Variants in CACNA1C observed in about 807,000 individuals in gnomAD.
CACNA1C encodes the protein calcium voltage-gated channel subunit alpha1 C.
A neutral mutation model predicts 229.0 loss-of-function variants in CACNA1C; 30 were observed. That is an observed-to-expected ratio of 0.13 (90% CI 0.10 to 0.18). The LOEUF (loss-of-function observed/expected upper bound fraction) is 0.18, where lower values mean the gene tolerates loss of function less well. CACNA1C is among the 10% of genes least tolerant of loss of function. The pLI, the probability that CACNA1C is intolerant of heterozygous loss-of-function variation, is 1.00. For missense variants in CACNA1C, 1,658 were observed against 2,845.0 expected (o/e 0.58, Z 9.49); for synonymous variants, 1,114 against 1,132.5 (o/e 0.98, Z 0.33).
Position 2,120,547 on chromosome 12 carries a change from C to G in CACNA1C, c.477+117C>G, listed in dbSNP as rs928730555. On this transcript the variant is annotated intron_variant, in intron 3 of 46. Coordinates refer to ENST00000399655, the MANE Select transcript of CACNA1C (RefSeq NM_000719.7). ...GACGTGTGTTTGGCATGTGCAGGAG[C>G]CCTGCAGAGCTCACATCCCGAGTGC... 42 of 731,868 alleles carry G rather than the reference C, an allele frequency of 5.7e-5. 1 individual carries two copies. In the Middle Eastern group the frequency reaches 9.4e-4, roughly 16 times the overall value. The allele number at this position is 731,868 out of a possible 1,614,324, so 45.3% of individuals were successfully genotyped here. A position where few individuals can be genotyped will look rare whatever the true frequency, so the allele number is the denominator to read the frequency against.
At chr12:2,226,969 G>A (rs752957102) in intron 3 of CACNA1C, among the ~76,000 whole-genome samples, 1 of 152,170 alleles carries the variant, frequency 6.6e-6, no homozygotes, top group Non-Finnish European at 1.5e-5. Context: ...TTTCAAATAT[G>A]CCTGTCCTTA....
intron 22 of CACNA1C, among the ~76,000 whole-genome samples, chr12:2,604,066 T>G (rs1276654016): frequency 8.9e-6 from 1 of 112,450 alleles, no homozygotes; most frequent in African/African-American, 3.4e-5. Context: ...AACAGGAGTC[T>G]GAGGATCTAC....
intron 3 of CACNA1C, among the ~76,000 whole-genome samples, chr12:2,317,913 T>G (rs2095779027): frequency 6.6e-6 from 1 of 152,186 alleles, no homozygotes; most frequent in Non-Finnish European, 1.5e-5. Context: ...TGCAGTGGCT[T>G]GATCTCATCC....
rs1157229903 is a variant in CACNA1C, at chr12:2,654,178, G to C, written c.4140+278G>C. On this transcript the variant is annotated intron_variant, in intron 33 of 46. Coordinates refer to ENST00000399655, the MANE Select transcript of CACNA1C (RefSeq NM_000719.7). This position sits in a 1 kb window ranked among gnomAD's most constrained non-coding sequence, Gnocchi z 4.4. The stretch of plus-strand genomic sequence containing the variant: ...TGGGTTCTGCTCTTGGTAGAGGAAA[G>C]ACACTCTCCAGTTATGCAAGGGGCC... Among the ~76,000 whole-genome samples, 3 of 152,188 alleles carry C rather than the reference G, an allele frequency of 2.0e-5. No homozygotes were observed. The highest frequency in any genetic ancestry group is 7.2e-5 in the African/African-American group (3 of 41,438).
At chr12:2,235,168 A>G (rs1191694449) in intron 3 of CACNA1C, among the ~76,000 whole-genome samples, 2 of 152,194 alleles carry the variant, frequency 1.3e-5, no homozygotes, top group African/African-American at 4.8e-5. Flanking sequence ...TCCCGGGGGA[A>G]TACCTGGAGA....
At chr12:2,652,944 G>A (rs370772695) in intron 32 of CACNA1C, among the ~76,000 whole-genome samples, 2 of 152,240 alleles carry the variant, frequency 1.3e-5, no homozygotes, top group Non-Finnish European at 2.9e-5. Context: ...GGGTGACTGC[G>A]AGGGCCTGAT....
chr12:2,638,797 G>A (rs1452435299), intron 30 of CACNA1C, among the ~76,000 whole-genome samples: 1 of 152,212 alleles, frequency 6.6e-6, no homozygotes, highest in Non-Finnish European at 1.5e-5. Context: ...GGTAGGCAAG[G>A]AGGCGGGCTG....
At chr12:2,514,963 G>A (rs908667310) in intron 9 of CACNA1C, among the ~76,000 whole-genome samples, 1 of 152,192 alleles carries the variant, frequency 6.6e-6, no homozygotes, top group South Asian at 2.1e-4. Context: ...AGAGCATAAT[G>A]AGCTGCCTAA....
intron 3 of CACNA1C, among the ~76,000 whole-genome samples, chr12:2,412,203 G>T (rs1238227660): frequency 6.6e-6 from 1 of 152,126 alleles, no homozygotes; most frequent in Non-Finnish European, 1.5e-5. Context: ...ACTGCAGGAC[G>T]CCCAGGATAC....
chr12:2,208,337 G>A (rs2097818244), intron 3 of CACNA1C, among the ~76,000 whole-genome samples: 1 of 152,250 alleles, frequency 6.6e-6, no homozygotes, highest in African/African-American at 2.4e-5. Context: ...ACAACGCACT[G>A]CTCAGAGAGG....
At chr12:2,046,401 TTCC>T (rs2051053317) in intron 1 of CACNA1C, among the ~76,000 whole-genome samples, 1 of 152,068 alleles carries the variant, frequency 6.6e-6, no homozygotes, top group Non-Finnish European at 1.5e-5. Context: ...CAACTTCTCT[TTCC>T]AAAGAGCCTC....
intron 1 of CACNA1C, among the ~76,000 whole-genome samples, chr12:2,046,250 G>A (rs2051021065): frequency 1.3e-5 from 2 of 152,160 alleles, no homozygotes; most frequent in East Asian, 1.9e-4. Context: ...TAAAAAAGTG[G>A]ACACAATAGT....
chr12:2,056,014 G>A (rs2054576494), intron 1 of CACNA1C, among the ~76,000 whole-genome samples: 1 of 152,144 alleles, frequency 6.6e-6, no homozygotes. Context: ...AGACAGAAGA[G>A]GAGTCTAGGA....
intron 15 of CACNA1C, among the ~76,000 whole-genome samples, chr12:2,583,303 G>C (rs917520508): frequency 2.6e-5 from 4 of 152,234 alleles, no homozygotes; most frequent in African/African-American, 7.2e-5. Flanking sequence ...TCAGAGGCGG[G>C]ACGCTCCGGG....
At chr12:1,978,784 C>T (rs769996930) in intron 1 of CACNA1C, among the ~76,000 whole-genome samples, 3 of 152,178 alleles carry the variant, frequency 2.0e-5, no homozygotes, top group Non-Finnish European at 2.9e-5. Flanking sequence ...TAAATGGGGT[C>T]GTACAGTATA....
intron 3 of CACNA1C, among the ~76,000 whole-genome samples, chr12:2,408,184 G>C (rs192941301): frequency 1.2e-3 from 178 of 152,344 alleles, no homozygotes; most frequent in African/African-American, 4.1e-3. Context: ...GAGGTACCCA[G>C]ACTAGGCAAA....
intron 1 of CACNA1C, among the ~76,000 whole-genome samples, chr12:2,089,461 C>T (rs960396642): frequency 1.3e-5 from 2 of 152,140 alleles, no homozygotes; most frequent in South Asian, 2.1e-4. Flanking sequence ...CTGTCCTCAA[C>T]GAGCTCAAGA....
chr12:2,308,223 G>A (rs1566975824), intron 3 of CACNA1C, among the ~76,000 whole-genome samples: 1 of 152,204 alleles, frequency 6.6e-6, no homozygotes, highest in Non-Finnish European at 1.5e-5. Flanking sequence ...ATAACATGTA[G>A]CACAATGATA....
chr12:2,436,612 T>C (rs1473749687), intron 3 of CACNA1C, among the ~76,000 whole-genome samples: 2 of 152,158 alleles, frequency 1.3e-5, no homozygotes, highest in Non-Finnish European at 2.9e-5. Context: ...GCATTTGTCT[T>C]CCAGTGTCTG....
Sources: allele counts gnomAD v4.1 joint callset (sites outside exome capture counted in the v4.1 genomes callset), GRCh38; gene constraint gnomAD v4.1.1; non-coding constraint Gnocchi (gnomAD v3.1); transcripts MANE v1.5; gene names NCBI Gene and HGNC (gene_info 2026-07-23, HGNC 2026-07-21).